The following NFATC1 variants were observed in gnomAD, a reference collection of about 807,000 sequenced individuals.
NFATC1 encodes the protein nuclear factor of activated T cells 1, also known as nuclear factor of activated T-cells, cytoplasmic 1.
Under a neutral mutation model 76.0 loss-of-function variants are expected in NFATC1, and 22 were observed. The ratio of observed to expected loss-of-function variants is 0.29; its 90% CI spans 0.21 to 0.41. NFATC1 has a LOEUF of 0.41. NFATC1 is among the 10% of genes least tolerant of loss of function. The pLI, the probability that NFATC1 is intolerant of heterozygous loss-of-function variation, is 1.00. For synonymous variants in NFATC1, 704 were observed against 613.1 expected (o/e 1.15, Z -2.19); for missense variants, 1,357 against 1,337.7 (o/e 1.01, Z -0.23).
intron 1 of NFATC1, among the ~76,000 whole-genome samples, chr18:79,407,384 C>T (rs1394467136): frequency 6.6e-6 from 1 of 152,122 alleles, no homozygotes; most frequent in Non-Finnish European, 1.5e-5. Context: ...GTCAGGATGC[C>T]CAGCTCCAGC....
intron 9 of NFATC1, chr18:79,496,678 A>G (rs977348677): frequency 1.5e-4 from 23 of 152,286 alleles, no homozygotes; most frequent in African/African-American, 5.1e-4. Flanking sequence ...CTTCCTGTCA[A>G]TGCTGAGAGA....
At chr18:79,413,049 T>G (rs1340621205) in intron 2 of NFATC1, among the ~76,000 whole-genome samples, 1 of 152,196 alleles carries the variant, frequency 6.6e-6, no homozygotes, top group Non-Finnish European at 1.5e-5. Flanking sequence ...TCACTGTTAT[T>G]GTTTAAGTAA....
chr18:79,411,024 G>A lies in NFATC1; in HGVS notation c.749G>A (p.Ser250Asn), dbSNP rs1248506319. 6.2e-7 allele frequency: 1 copy of A among 1,611,668 alleles called. No homozygotes were observed. The highest frequency in any genetic ancestry group is 2.2e-5 in the East Asian group (1 of 44,838). ...CCCCGCGCCAGCGTCACTGAGGAGA[G>A]CTGGCTGGGTGCCCGCTCCTCCAGA... Reference protein sequence around the residue: ...TSPRASVTEESWLGARSSRPA... With the variant: ...TSPRASVTEENWLGARSSRPA... Residue 250 changes from serine to asparagine, a missense_variant, in exon 2 of 10, where the codon AGC becomes AAC. Around this residue, in one of 3 missense-constraint regions of NFATC1, gnomAD observed 691 missense variants for 613.1 expected, o/e 1.13. Coordinates refer to ENST00000427363, the MANE Select transcript of NFATC1 (RefSeq NM_001278669.2).
At chr18:79,443,276 T>G (rs1345070880) in intron 3 of NFATC1, among the ~76,000 whole-genome samples, 1 of 152,166 alleles carries the variant, frequency 6.6e-6, no homozygotes, top group Non-Finnish European at 1.5e-5. Context: ...GCACCGCGCG[T>G]ATGGACACAC....
Position 79,515,463 on chromosome 18 carries a change from G to T in NFATC1, c.2783-12065G>T, listed in dbSNP as rs141580064. Among the ~76,000 whole-genome samples the T allele has an allele frequency of 6.4e-3, 974 of 152,024 alleles. 9 individuals are homozygous for T. Among genetic ancestry groups the T allele is most frequent in the African/African-American group, 0.022 (916 of 41,450 alleles). ...CTGCAGTGGTGGTGGTGGGCGGGTG[G>T]TGGTGGTGGATGGGGGCTCGGAGGG... is the stretch of plus-strand genomic sequence containing the variant. On this transcript the variant is annotated intron_variant, in intron 9 of 9. Transcript: ENST00000427363.
At chr18:79,403,577 C>G (rs2148148592) in intron 1 of NFATC1, among the ~76,000 whole-genome samples, 1 of 152,386 alleles carries the variant, frequency 6.6e-6, no homozygotes, top group East Asian at 1.9e-4. Context: ...CTGCTGCCAG[C>G]ACTGTCGCCG....
At chr18:79,446,590 C>T (rs1284723812) in intron 3 of NFATC1, among the ~76,000 whole-genome samples, 1 of 152,154 alleles carries the variant, frequency 6.6e-6, no homozygotes, top group East Asian at 1.9e-4. Context: ...AGTTCATTAA[C>T]TTGGCAAACG....
At chr18:79,476,335 C>T (rs887689455) in intron 8 of NFATC1, among the ~76,000 whole-genome samples, 2 of 152,264 alleles carry the variant, frequency 1.3e-5, no homozygotes, top group Non-Finnish European at 2.9e-5. Context: ...TGCCTGGGAG[C>T]GTGAGTCACG....
intron 1 of NFATC1, among the ~76,000 whole-genome samples, chr18:79,405,890 C>T (rs531006629): frequency 2.6e-4 from 39 of 152,342 alleles, no homozygotes; most frequent in African/African-American, 7.9e-4. Flanking sequence ...TTCCTGCTCT[C>T]GCTGTGGGCG....
In NFATC1 at chr18:79,527,634, CTT is replaced by C. The variant is rs2145256177; in HGVS notation, c.*60_*61del. 2.7e-6 allele frequency: 4 copies of C among 1,506,272 alleles called. No individual in the cohort carries two copies. Among genetic ancestry groups the C allele is most frequent in the African/African-American group, 1.4e-5 (1 of 72,412 alleles). 93.3% of individuals were successfully genotyped at this position (1,506,272 alleles called of 1,614,324 possible). A position where few individuals can be genotyped will look rare whatever the true frequency, so the allele number is the denominator to read the frequency against. On this transcript the variant is annotated 3_prime_UTR_variant, in exon 10 of 10. Transcript: ENST00000427363. ...GTATGCTGACTTCAGCAGACAAAGACTTTTGAATAAATAAACTGAACTCACAC... is the reference window on the plus strand; with the variant it reads ...GTATGCTGACTTCAGCAGACAAAGACTTGAATAAATAAACTGAACTCACAC...
Position 79,448,770 on chromosome 18 carries a change from T to C in NFATC1, c.1387-12T>C. The C allele has an allele frequency of 6.2e-7, 1 of 1,611,340 alleles. No individual in the cohort carries two copies. Among genetic ancestry groups the C allele is most frequent in the Non-Finnish European group, 8.5e-7 (1 of 1,178,556 alleles). On this transcript the variant is annotated splice_polypyrimidine_tract_variant and intron_variant, in intron 3 of 9. Transcript: ENST00000427363. ...CTGGGTGCTGAGCAGGTGTTTTCTGTTCTCTCGCCAGCTGCATGGCTACTT... is the reference window on the plus strand; with the variant it reads ...CTGGGTGCTGAGCAGGTGTTTTCTGCTCTCTCGCCAGCTGCATGGCTACTT...
At position 79,486,315 on chromosome 18, in the gene NFATC1, G is replaced by A; in HGVS notation, c.2160G>A (p.Gln720=). Residue 720 remains glutamine, a synonymous_variant, in exon 9 of 10, where the codon CAG becomes CAA. Transcript: ENST00000427363. ...CTCCAACCTGTGGACCGGTGAGCCAGGGGTTAAGTCCTCTCCCAAGACCAT... is the reference window on the plus strand; with the variant it reads ...CTCCAACCTGTGGACCGGTGAGCCAAGGGTTAAGTCCTCTCCCAAGACCAT... ...EPAPTCGPVS[Q]GLSPLPRPYY... 2.5e-6 allele frequency: 4 copies of A among 1,613,180 alleles called. No individual in the cohort carries two copies. Among genetic ancestry groups the A allele is most frequent in the Non-Finnish European group, 3.4e-6 (4 of 1,179,974 alleles).
chr18:79,501,915 T>C (rs2090023335), intron 9 of NFATC1, among the ~76,000 whole-genome samples: 1 of 152,202 alleles, frequency 6.6e-6, no homozygotes, highest in Admixed American at 6.5e-5. Context: ...ATCAATATTG[T>C]GAAGATGGCA....
intron 9 of NFATC1, among the ~76,000 whole-genome samples, chr18:79,516,690 T>G (rs543223556): frequency 1.2e-3 from 185 of 152,302 alleles, no homozygotes; most frequent in Non-Finnish European, 2.3e-3. Context: ...AGAGGTTGCT[T>G]CTTCTCAAAA....
chr18:79,474,491 C>T (rs573009255), intron 8 of NFATC1, among the ~76,000 whole-genome samples: 33 of 149,718 alleles, frequency 2.2e-4, no homozygotes, highest in African/African-American at 7.5e-4. Flanking sequence ...CGTGTTCTCA[C>T]ACTCACTGTC....
At chr18:79,500,867 A>C (rs1394847404) in intron 9 of NFATC1, among the ~76,000 whole-genome samples, 1 of 152,210 alleles carries the variant, frequency 6.6e-6, no homozygotes, top group Non-Finnish European at 1.5e-5. Flanking sequence ...TATTCTCACA[A>C]AGAAAAGCCC....
chr18:79,483,876 CGTG>C (rs1298199164), intron 8 of NFATC1, among the ~76,000 whole-genome samples: 5 of 140,814 alleles, frequency 3.6e-5, no homozygotes, highest in East Asian at 2.2e-4. Context: ...TCCAGCGTGA[CGTG>C]GTTCCTGGGG....
chr18:79,427,965 T>TCGG (rs2086453651), intron 2 of NFATC1, among the ~76,000 whole-genome samples: 1 of 9,820 alleles, frequency 1.0e-4, no homozygotes, highest in African/African-American at 4.5e-4. Context: ...GTGCAGTGGG[T>TCGG]GGCGGGGGGG....
At chr18:79,456,640 G>A (rs900113613) in intron 6 of NFATC1, among the ~76,000 whole-genome samples, 4 of 152,220 alleles carry the variant, frequency 2.6e-5, no homozygotes, top group Non-Finnish European at 4.4e-5. Context: ...TGCCCCTTTC[G>A]GCCCTTGCTG....
Sources: allele counts gnomAD v4.1 joint callset (sites outside exome capture counted in the v4.1 genomes callset), GRCh38; gene constraint gnomAD v4.1.1; regional missense constraint gnomAD v4.1.1; transcripts MANE v1.5; gene names NCBI Gene and HGNC (gene_info 2026-07-23, HGNC 2026-07-21).